The following ZNF479 variants were observed in gnomAD, a reference collection of about 807,000 sequenced individuals.
ZNF479 encodes KRAB zinc finger protein KR19.
ZNF479 carries 15 observed loss-of-function variants against 14.7 expected under a neutral mutation model. That is an observed-to-expected ratio of 1.02 (90% CI 0.68 to 1.57). ZNF479 has a LOEUF of 1.57. Among genes scored for constraint, ZNF479 ranks in the 40% most tolerant of loss-of-function variants. ZNF479 has a pLI of 0.00. For synonymous variants in ZNF479, 145 were observed against 211.5 expected (o/e 0.69, Z 2.73); for missense variants, 506 against 615.1 (o/e 0.82, Z 1.88).
upstream of ZNF479, among the ~76,000 whole-genome samples, chr7:57,134,810 G>A (rs137908854): frequency 0.02 from 2,980 of 151,840 alleles, 100 homozygotes; most frequent in African/African-American, 0.068. Context: ...GAGTAGCTGG[G>A]ATTACAGGCA....
At chr7:57,130,974 CA>C (rs1786393517) in intron 1 of ZNF479, among the ~76,000 whole-genome samples, 1 of 152,238 alleles carries the variant, frequency 6.6e-6, no homozygotes, top group East Asian at 1.9e-4. Flanking sequence ...AACTGGAGAT[CA>C]TTATTTTTAG....
intron 1 of ZNF479, among the ~76,000 whole-genome samples, chr7:57,128,316 C>T (rs34928938): frequency 0.29 from 43,341 of 152,042 alleles, 7,147 homozygotes; most frequent in East Asian, 0.53. Context: ...TAATTTTTAT[C>T]AGTAATTTTA....
At chr7:57,137,533 G>A (rs938675556) in intron 1 of ZNF479, among the ~76,000 whole-genome samples, 7 of 152,156 alleles carry the variant, frequency 4.6e-5, no homozygotes, top group African/African-American at 1.7e-4. Context: ...AAAAAACAGA[G>A]GAGGTGCCAC....
At chr7:57,130,447 T>C (rs1786365248) in intron 1 of ZNF479, among the ~76,000 whole-genome samples, 2 of 151,568 alleles carry the variant, frequency 1.3e-5, no homozygotes, top group East Asian at 3.9e-4. Flanking sequence ...CACTCCAGCC[T>C]GGGTGTAAGA....
chr7:57,136,161 A>G (rs144853716), upstream of ZNF479, among the ~76,000 whole-genome samples: 2,558 of 152,188 alleles, frequency 0.017, 28 homozygotes, highest in Non-Finnish European at 0.025. Flanking sequence ...AGGTGGGCGG[A>G]TCACCTGAGG....
At chr7:57,127,064 C>T (rs1786206554) in intron 1 of ZNF479, among the ~76,000 whole-genome samples, 1 of 143,832 alleles carries the variant, frequency 7.0e-6, no homozygotes, top group Non-Finnish European at 1.5e-5. Flanking sequence ...ACTCTGTTGC[C>T]CAGGCTGGAG....
In ZNF479 at chr7:57,121,011, T is replaced by C. The variant is rs62464802; in HGVS notation, c.404A>G (p.Tyr135Cys). 541,917 of 1,612,778 alleles carry C rather than the reference T, an allele frequency of 0.34. 94,566 individuals are homozygous for C. The highest frequency in any genetic ancestry group is 0.51 in the East Asian group (22,817 of 44,832). Residue 135 changes from tyrosine (Y) to cysteine (C), a missense_variant, in exon 4 of 4, where the codon TAT becomes TGT. Physicochemically the swap from Tyr to Cys is radical, Grantham distance 194 (BLOSUM62 -2). Coordinates refer to ENST00000319636, the MANE Select transcript of ZNF479 (RefSeq NM_001370129.2). ...FKKCCKSVGE[Y>C]EVHKGGYSEV... ...ACTATAACCTCCCTTGTGCACCTCA[T>C]ATTCACCCACACTTTTACAGCATTT...
upstream of ZNF479, among the ~76,000 whole-genome samples, chr7:57,136,461 A>T (rs1007713969): frequency 3.9e-5 from 6 of 152,170 alleles, no homozygotes; most frequent in African/African-American, 1.2e-4. Flanking sequence ...ATAATGGATG[A>T]AATTTCCCTC....
intron 1 of ZNF479, among the ~76,000 whole-genome samples, chr7:57,139,371 G>A (rs924292033): frequency 6.6e-6 from 1 of 152,130 alleles, no homozygotes; most frequent in Admixed American, 6.6e-5. Flanking sequence ...CACTGTAAGT[G>A]GGGTTCAGGC....
chr7:57,136,383 C>CA (rs1044996925), upstream of ZNF479, among the ~76,000 whole-genome samples: 40 of 144,028 alleles, frequency 2.8e-4, no homozygotes, highest in South Asian at 6.6e-4. Flanking sequence ...GACTCCATCT[C>CA]AAAAAAAAAA....
chr7:57,125,809 T>C lies in ZNF479; in HGVS notation c.262+209A>G, dbSNP rs562781120. 9.2e-5 allele frequency among the ~76,000 whole-genome samples: 14 copies of C among 152,312 alleles called. No individual in the cohort carries two copies. In the South Asian group the frequency reaches 2.9e-3, roughly 32 times the overall value. ...CTCACACTGTGAACTTGAAGAAAGA[T>C]TATTGAAGCAGAAGTGGAATCCTTA... is the stretch of plus-strand genomic sequence containing the variant. On this transcript the variant is annotated intron_variant, in intron 3 of 3. Coordinates refer to ENST00000319636, the MANE Select transcript of ZNF479 (RefSeq NM_001370129.2).
At position 57,119,058 on chromosome 7, in the gene ZNF479, T is replaced by C. The variant is rs1464322553; in HGVS notation, c.*782A>G. ...TAAGCATGGAGAACCAGTTAAAGGG[T>C]TTGCCACATTTTTTTCTGCAATTGC... On this transcript the variant is annotated 3_prime_UTR_variant, in exon 4 of 4. Transcript: ENST00000319636. 6.6e-6 allele frequency among the ~76,000 whole-genome samples: 1 copy of C among 152,144 alleles called. No homozygotes were observed. The highest frequency in any genetic ancestry group is 1.5e-5 in the Non-Finnish European group (1 of 68,028).
intron 1 of ZNF479, among the ~76,000 whole-genome samples, chr7:57,138,026 C>G (rs1384361191): frequency 1.3e-5 from 2 of 152,168 alleles, no homozygotes; most frequent in Admixed American, 1.3e-4. Flanking sequence ...TGACATATTG[C>G]TTTTCCTAGC....
chr7:57,128,174 C>G (rs181575652), intron 1 of ZNF479, among the ~76,000 whole-genome samples: 7 of 151,928 alleles, frequency 4.6e-5, no homozygotes, highest in African/African-American at 1.7e-4. Flanking sequence ...CCTGACCTCA[C>G]GTGATCCACC....
rs1172228441 is a variant in ZNF479 at position 57,119,000 on chromosome 7, G to A, written c.*840C>T. ...GCTCTGTCACATTTTTATGTAAGCAGAGTTTCTCTCCAGTATAAAATTTTT... is the reference window on the plus strand; with the variant it reads ...GCTCTGTCACATTTTTATGTAAGCAAAGTTTCTCTCCAGTATAAAATTTTT... On this transcript the variant is annotated 3_prime_UTR_variant, in exon 4 of 4. Coordinates refer to ENST00000319636, the MANE Select transcript of ZNF479 (RefSeq NM_001370129.2). Among the ~76,000 whole-genome samples, 1 of 152,164 alleles carries A rather than the reference G, an allele frequency of 6.6e-6. No individual in the cohort carries two copies. The highest frequency in any genetic ancestry group is 2.4e-5 in the African/African-American group (1 of 41,442).
intron 3 of ZNF479, among the ~76,000 whole-genome samples, chr7:57,122,839 GTCTA>G: frequency 6.6e-6 from 1 of 152,082 alleles, no homozygotes; most frequent in South Asian, 2.1e-4. Context: ...TAATTATTAT[GTCTA>G]TCTATATGTA....
intron 3 of ZNF479, among the ~76,000 whole-genome samples, 181 bp from the exon 4 acceptor site, chr7:57,121,333 G>A (rs1785937956): frequency 6.6e-6 from 1 of 152,112 alleles, no homozygotes; most frequent in South Asian, 2.1e-4. Context: ...AAATACCTTT[G>A]TTGGAAATTT....
At position 57,132,424 on chromosome 7, in the gene ZNF479, G is replaced by A. The variant is rs752256165; in HGVS notation, c.-100C>T. 2 of 1,591,214 alleles carry A rather than the reference G, an allele frequency of 1.3e-6. No individual in the cohort carries two copies. Among genetic ancestry groups the A allele is most frequent in the African/African-American group, 1.3e-5 (1 of 74,426 alleles). On this transcript the variant is annotated 5_prime_UTR_variant, in exon 1 of 4. Coordinates refer to ENST00000319636, the MANE Select transcript of ZNF479 (RefSeq NM_001370129.2). ...GAGGAGAACTGCAGCTCTGGACGCAGAGAAACACAAAGGACCCGCAAAATT... is the reference window on the plus strand; with the variant it reads ...GAGGAGAACTGCAGCTCTGGACGCAAAGAAACACAAAGGACCCGCAAAATT...
intron 1 of ZNF479, among the ~76,000 whole-genome samples, chr7:57,131,729 CAA>C (rs1284439912): frequency 5.3e-5 from 8 of 152,042 alleles, no homozygotes; most frequent in Admixed American, 1.3e-4. Flanking sequence ...ATAACTGTAC[CAA>C]ACCAATTATT....
Sources: gnomAD v4.1 joint callset for allele counts (sites outside exome capture counted in the v4.1 genomes callset) on GRCh38, gnomAD v4.1.1 for gene constraint, MANE v1.5 for transcripts, NCBI Gene and HGNC (gene_info 2026-07-23, HGNC 2026-07-21) for gene names.